The following FANCB variants were observed in gnomAD, a reference collection of about 807,000 sequenced individuals.
The protein encoded by FANCB is FA complementation group B, also known as Fanconi anemia group B protein.
In FANCB, 5 loss-of-function variants were observed where a neutral mutation model predicts 38.9. The ratio of observed to expected loss-of-function variants is 0.13; its 90% CI spans 0.07 to 0.27. The LOEUF (loss-of-function observed/expected upper bound fraction) is 0.27. Among genes scored for constraint, FANCB ranks in the 10% least tolerant of loss-of-function variants. The pLI, the probability that FANCB is intolerant of heterozygous loss-of-function variation, is 1.00. For synonymous variants in FANCB, 236 were observed against 215.4 expected, an observed-to-expected ratio of 1.10 and a Z score of -0.84; for missense variants, 573 against 602.7, an observed-to-expected ratio of 0.95 and a Z score of 0.52.
chrX:14,869,012 G>A lies in FANCB; in HGVS notation c.-160C>T, dbSNP rs975487669. Reference sequence around the variant, plus strand: ...TTCATCAGTAAAGAAGATAGGGTAGGTAAATCAAAGGTCTGGCTTGTACTT... The same window carrying A: ...TTCATCAGTAAAGAAGATAGGGTAGATAAATCAAAGGTCTGGCTTGTACTT... On this transcript the variant is annotated 5_prime_UTR_variant, in exon 2 of 10. Transcript: ENST00000650831. The A allele has an allele frequency of 1.8e-5, 2 of 111,618 alleles. No individual in the cohort carries two copies. Among genetic ancestry groups the A allele is most frequent in the Non-Finnish European group, 3.8e-5 (2 of 53,005 alleles). The allele number at this position is 111,618 out of a possible 1,213,427, so 9.2% of individuals were successfully genotyped here.
At chrX:14,870,439 T>G (rs910373208) in intron 1 of FANCB, among the ~76,000 whole-genome samples, 1 of 107,276 alleles carries the variant, frequency 9.3e-6, no homozygotes, top group Non-Finnish European at 1.9e-5. Context: ...GGGGTGGCGG[T>G]GCGGGGCAGG....
At chrX:14,727,822 T>C in the FANCB span, among the ~76,000 whole-genome samples, 1 of 111,991 alleles carries the variant, frequency 8.9e-6, no homozygotes, top group Admixed American at 9.5e-5. Flanking sequence ...CTTCCTTATA[T>C]GATAATACCT....
chrX:14,790,436 T>C, the FANCB span, among the ~76,000 whole-genome samples: 2 of 112,102 alleles, frequency 1.8e-5, no homozygotes, highest in African/African-American at 6.5e-5. Context: ...CAATTTATAC[T>C]CTCTGAGCTT....
the FANCB span, among the ~76,000 whole-genome samples, chrX:14,775,170 T>TTTTG: frequency 4.3e-4 from 41 of 95,036 alleles, no homozygotes; most frequent in Non-Finnish European, 8.1e-4. Flanking sequence ...GTTTTTTTTT[T>TTTTG]TTTTTTTTTT....
At chrX:14,743,194 T>A in the FANCB span, among the ~76,000 whole-genome samples, 9 of 112,467 alleles carry the variant, frequency 8.0e-5, no homozygotes, top group East Asian at 2.5e-3. Flanking sequence ...AAGAAACTAG[T>A]CCACTGTCAC....
chrX:14,858,397 CA>C (rs1208196291), intron 4 of FANCB, among the ~76,000 whole-genome samples: 186 of 93,887 alleles, frequency 2.0e-3, no homozygotes, highest in African/African-American at 2.4e-3. Flanking sequence ...ACTCTGTCTC[CA>C]AAAAAAAAAA....
At chrX:14,804,690 C>T in the FANCB span, among the ~76,000 whole-genome samples, 1 of 111,943 alleles carries the variant, frequency 8.9e-6, no homozygotes, top group Non-Finnish European at 1.9e-5. Context: ...ATTAAAGTGA[C>T]AGAAGTGAAA....
intron 1 of FANCB, among the ~76,000 whole-genome samples, chrX:14,872,063 A>G (rs927266454): frequency 1.8e-5 from 2 of 111,971 alleles, no homozygotes; most frequent in Admixed American, 9.4e-5. Flanking sequence ...AACTGTAAAC[A>G]TTTCATGCCA....
the FANCB span, among the ~76,000 whole-genome samples, chrX:14,780,687 G>A: frequency 1.8e-5 from 2 of 110,646 alleles, no homozygotes; most frequent in South Asian, 7.4e-4. Flanking sequence ...CTGCATTGCG[G>A]TACAAAAGCA....
Position 14,870,176 on chromosome X carries a change from T to C in FANCB, c.-191-1133A>G, listed in dbSNP as rs889071903. On this transcript the variant is annotated intron_variant, in intron 1 of 9. Coordinates refer to ENST00000650831, the MANE Select transcript of FANCB (RefSeq NM_001018113.3). Reference sequence around the variant, plus strand: ...AGTATTGCTGCTGCAACATCTATTTTTAAAGTTCTTGGGATATGTTCATAA... The same window carrying C: ...AGTATTGCTGCTGCAACATCTATTTCTAAAGTTCTTGGGATATGTTCATAA... Among the ~76,000 whole-genome samples, 4 of 111,919 alleles carry C rather than the reference T, an allele frequency of 3.6e-5. No homozygotes were observed. The Admixed American group carries it at 3.8e-4, about 11-fold the overall frequency.
chrX:14,779,318 G>A, the FANCB span, among the ~76,000 whole-genome samples: 8 of 112,418 alleles, frequency 7.1e-5, no homozygotes, highest in Non-Finnish European at 1.5e-4. Flanking sequence ...GGCCAGGGAG[G>A]TTGGAGTGCT....
chrX:14,754,345 T>C, the FANCB span, among the ~76,000 whole-genome samples: 344 of 112,014 alleles, frequency 3.1e-3, no homozygotes, highest in Admixed American at 6.0e-3. Context: ...CACAAAGAAA[T>C]AGAAATCCTG....
At chrX:14,793,868 A>T in the FANCB span, among the ~76,000 whole-genome samples, 1 of 111,588 alleles carries the variant, frequency 9.0e-6, no homozygotes, top group Admixed American at 9.6e-5. Flanking sequence ...GGAAGAAACA[A>T]TATTTGGGTT....
the FANCB span, among the ~76,000 whole-genome samples, chrX:14,823,931 CAAAGA>C: frequency 9.0e-6 from 1 of 111,055 alleles, no homozygotes; most frequent in East Asian, 2.8e-4. Flanking sequence ...TTTGAGAGGC[CAAAGA>C]AGAGACCCAG....
Position 14,865,503 on chromosome X carries a change from C to T in FANCB, c.8G>A (p.Ser3Asn), listed in dbSNP as rs751501999. The part of the protein sequence containing the change: MT[S>N]KQAMSSNEQE... Reference sequence around the variant, plus strand: ...TTCGTTAGATGACATTGCTTGTTTGCTAGTCATTCCACAATATCAAGTCTT... The same window carrying T: ...TTCGTTAGATGACATTGCTTGTTTGTTAGTCATTCCACAATATCAAGTCTT... The change falls in exon 3 of 10, where the codon AGC (serine) becomes AAC (asparagine). Residue 3 changes from serine to asparagine, a missense_variant. Coordinates refer to ENST00000650831, the MANE Select transcript of FANCB (RefSeq NM_001018113.3). The T allele has an allele frequency of 5.1e-6, 6 of 1,173,503 alleles. No homozygotes were observed. The highest frequency in any genetic ancestry group is 2.2e-5 in the Admixed American group (1 of 45,963).
At chrX:14,810,583 G>A in the FANCB span, among the ~76,000 whole-genome samples, 3 of 111,569 alleles carry the variant, frequency 2.7e-5, no homozygotes, top group Admixed American at 9.5e-5. Context: ...AAGATGAAAT[G>A]AATGAAATGA....
At position 14,845,777 on chromosome X, in the gene FANCB, G is replaced by A. The variant is rs747354156; in HGVS notation, c.1497-491C>T. 9.0e-5 allele frequency among the ~76,000 whole-genome samples: 10 copies of A among 111,360 alleles called. No homozygotes were observed. The East Asian group carries it at 1.1e-3, about 12-fold the overall frequency. On this transcript the variant is annotated intron_variant, in intron 7 of 9. Coordinates refer to ENST00000650831, the MANE Select transcript of FANCB (RefSeq NM_001018113.3). ...AATTGTATTTTTCGTTCCTCTAAAC[G>A]ACTTGAATAAAATCTTTTTCAGTCA...
chrX:14,813,233 G>A, the FANCB span, among the ~76,000 whole-genome samples: 1 of 107,035 alleles, frequency 9.3e-6, no homozygotes, highest in African/African-American at 3.4e-5. Context: ...AAAACTGGAA[G>A]CATTCCCTTT....
At chrX:14,740,511 A>G in the FANCB span, among the ~76,000 whole-genome samples, 4 of 111,654 alleles carry the variant, frequency 3.6e-5, no homozygotes, top group African/African-American at 1.3e-4. Context: ...CTCTTTTCCA[A>G]TACTAGGAGG....
Sources: gnomAD v4.1 joint callset for allele counts (sites outside exome capture counted in the v4.1 genomes callset) on GRCh38, gnomAD v4.1.1 for gene constraint, MANE v1.5 for transcripts, NCBI Gene and HGNC (gene_info 2026-07-23, HGNC 2026-07-21) for gene names.